Variants in SLCO4C1 observed in about 807,000 individuals in gnomAD.
SLCO4C1 encodes solute carrier organic anion transporter family member 4C1.
SLCO4C1 carries 58 observed loss-of-function variants against 72.1 expected under a neutral mutation model. The ratio of observed to expected loss-of-function variants is 0.80; its 90% CI spans 0.65 to 1.00. The LOEUF (loss-of-function observed/expected upper bound fraction) is 1.00. Ranked by LOEUF, SLCO4C1 falls within the 50% of genes least tolerant of loss-of-function variation. The pLI, the probability that SLCO4C1 is intolerant of heterozygous loss-of-function variation, is 0.00. For synonymous variants in SLCO4C1, 297 were observed against 312.5 expected, an observed-to-expected ratio of 0.95 and a Z score of 0.52; for missense variants, 898 against 857.9, an observed-to-expected ratio of 1.05 and a Z score of -0.58.
intron 10 of SLCO4C1, among the ~76,000 whole-genome samples, chr5:102,244,261 T>C (rs1210876169): frequency 6.6e-6 from 1 of 151,950 alleles, no homozygotes; most frequent in Admixed American, 6.6e-5. Context: ...TGCATCAGAG[T>C]CCTTTAGTAG....
intron 8 of SLCO4C1, among the ~76,000 whole-genome samples, chr5:102,252,267 G>A (rs1470304566): frequency 6.6e-6 from 1 of 152,044 alleles, no homozygotes; most frequent in African/African-American, 2.4e-5. Flanking sequence ...ACACTGTGTT[G>A]GAAAATGATG....
Position 102,291,400 on chromosome 5 carries a change from C to A in SLCO4C1, c.562G>T (p.Val188Leu). Reference protein sequence around the residue: ...AAFMIGLGALVFSLPQFFSGE... With the variant: ...AAFMIGLGALLFSLPQFFSGE... ...CTGAAAAATTGTGGCAATGAGAATA[C>A]AAGTGCTCCCAGTCCAATCATAAAG... The change falls in exon 2 of 13, where the codon GTA becomes TTA. Residue 188 changes from valine (V) to leucine (L), a missense_variant. By Grantham distance (32) the Val-to-Leu change is conservative. Transcript: ENST00000310954. The A allele has an allele frequency of 6.2e-7, 1 of 1,614,132 alleles. No individual in the cohort carries two copies. The highest frequency in any genetic ancestry group is 8.5e-7 in the Non-Finnish European group (1 of 1,180,020).
chr5:102,255,129 G>A (rs373393641), intron 8 of SLCO4C1, among the ~76,000 whole-genome samples: 8 of 148,954 alleles, frequency 5.4e-5, no homozygotes, highest in South Asian at 2.1e-4. Context: ...AAACATATAC[G>A]TTTAGTGATA....
In SLCO4C1 at chr5:102,296,156, G is replaced by A. The variant is rs780335084; in HGVS notation, c.107C>T (p.Ser36Phe). Residue 36 changes from serine to phenylalanine, a missense_variant, in exon 1 of 13, where the codon TCC becomes TTC. Ser to Phe is a radical substitution (Grantham distance 155). Coordinates refer to ENST00000310954, the MANE Select transcript of SLCO4C1 (RefSeq NM_180991.5). ...SPSQIEVSALSSDPQRENSQP... is the reference protein window; with the variant it reads ...SPSQIEVSALFSDPQRENSQP... Reference sequence around the variant, plus strand: ...AGAATTCTCTCTTTGGGGGTCAGAGGACAAGGCAGAGACTTCGATTTGGGA... The same window carrying A: ...AGAATTCTCTCTTTGGGGGTCAGAGAACAAGGCAGAGACTTCGATTTGGGA... 1 of 1,613,488 alleles carries A rather than the reference G, an allele frequency of 6.2e-7. No individual in the cohort carries two copies. Among genetic ancestry groups the A allele is most frequent in the Non-Finnish European group, 8.5e-7 (1 of 1,179,556 alleles).
At position 102,264,011 on chromosome 5, in the gene SLCO4C1, A is replaced by C. The variant is rs149927364; in HGVS notation, c.803-231T>G. Among the ~76,000 whole-genome samples, 406 of 152,240 alleles carry C rather than the reference A, an allele frequency of 2.7e-3. 2 individuals carry two copies. Among genetic ancestry groups the C allele is most frequent in the African/African-American group, 9.3e-3 (388 of 41,568 alleles). On this transcript the variant is annotated intron_variant, in intron 3 of 12. Transcript: ENST00000310954. ...TAGTAATACTTAGAACAAAACCAAA[A>C]ATTATAAATCCATGGAAAGTGTTGT... is the stretch of plus-strand genomic sequence containing the variant.
In SLCO4C1 at chr5:102,257,134, C is replaced by A; in HGVS notation, c.1450G>T (p.Val484Leu). ...ATTTACCCATTATATGATTCAGATA[C>A]ACCAGCAAATGGCTCATTTTCACAT... Reference protein sequence around the residue: ...AKCENEPFAGVSESYNGTGEL... With the variant: ...AKCENEPFAGLSESYNGTGEL... The change falls in exon 8 of 13, where the codon GTA becomes TTA. Residue 484 changes from valine to leucine, a missense_variant. Coordinates refer to ENST00000310954, the MANE Select transcript of SLCO4C1 (RefSeq NM_180991.5). 2 of 1,590,312 alleles carry A rather than the reference C, an allele frequency of 1.3e-6. No individual in the cohort carries two copies. The highest frequency in any genetic ancestry group is 1.4e-5 in the African/African-American group (1 of 73,484).
intron 7 of SLCO4C1, 101 bp from the exon 8 acceptor site, chr5:102,257,411 A>T (rs965517398): frequency 1.1e-6 from 1 of 897,262 alleles, no homozygotes; most frequent in African/African-American, 1.7e-5. Context: ...TATGGTTTTA[A>T]CTTATATTTA....
At chr5:102,291,269 G>T in intron 2 of SLCO4C1, 74 bp downstream of exon 2, 1 of 1,459,298 alleles carries the variant, frequency 6.9e-7, no homozygotes, top group Non-Finnish European at 9.3e-7. Flanking sequence ...TAAGTGAATT[G>T]CAATATAAAG....
rs145075424 is a variant in SLCO4C1 at position 102,274,315 on chromosome 5, A to G, written c.620-3509T>C. Reference sequence around the variant, plus strand: ...TAGAGGAACACTGCCAATAAAATTAAGGATTAGAACTGTACCTAATGAACA... The same window carrying G: ...TAGAGGAACACTGCCAATAAAATTAGGGATTAGAACTGTACCTAATGAACA... On this transcript the variant is annotated intron_variant, in intron 2 of 12. Coordinates refer to ENST00000310954, the MANE Select transcript of SLCO4C1 (RefSeq NM_180991.5). Among the ~76,000 whole-genome samples, 431 of 152,332 alleles carry G rather than the reference A, an allele frequency of 2.8e-3. 3 individuals are homozygous for G. Among genetic ancestry groups the G allele is most frequent in the African/African-American group, 9.8e-3 (406 of 41,578 alleles).
At position 102,247,274 on chromosome 5, in the gene SLCO4C1, G is replaced by C. The variant is rs149891619; in HGVS notation, c.1789C>G (p.Pro597Ala). 4.3e-4 allele frequency: 676 copies of C among 1,567,838 alleles called. No individual in the cohort carries two copies. Among genetic ancestry groups the C allele is most frequent in the Non-Finnish European group, 5.7e-4 (653 of 1,148,672 alleles). Reference sequence around the variant, plus strand: ...TACCTTAGGATAGACACAGTTATAGGAGTACCGGCCATAAAGGTAAAAATA... The same window carrying C: ...TACCTTAGGATAGACACAGTTATAGCAGTACCGGCCATAAAGGTAAAAATA... ...VIIFTFMAGTPITVSILRCVN... is the reference protein window; with the variant it reads ...VIIFTFMAGTAITVSILRCVN... Residue 597 changes from proline to alanine, a missense_variant, in exon 10 of 13, where the codon CCT becomes GCT. Physicochemically the swap from Pro to Ala is conservative, Grantham distance 27. Coordinates refer to ENST00000310954, the MANE Select transcript of SLCO4C1 (RefSeq NM_180991.5).
intron 2 of SLCO4C1, among the ~76,000 whole-genome samples, chr5:102,285,238 C>A (rs910084133): frequency 6.6e-6 from 1 of 150,468 alleles, no homozygotes; most frequent in Non-Finnish European, 1.5e-5. Context: ...CACACACACA[C>A]AAATATATAC....
At chr5:102,280,090 C>CAAAA (rs36217271) in intron 2 of SLCO4C1, among the ~76,000 whole-genome samples, 6 of 68,844 alleles carry the variant, frequency 8.7e-5, no homozygotes, top group African/African-American at 3.6e-4. Flanking sequence ...TGCAATAAGG[C>CAAAA]AAAAAAAAAA....
chr5:102,247,241 G>C lies in SLCO4C1; in HGVS notation c.1811+11C>G, dbSNP rs376009873. ...CCTTAGGGAATGAAAATTTCTCAAC[G>C]TGCTACATACCTTAGGATAGACACA... On this transcript the variant is annotated intron_variant, in intron 10 of 12. Coordinates refer to ENST00000310954, the MANE Select transcript of SLCO4C1 (RefSeq NM_180991.5). The C allele has an allele frequency of 6.8e-7, 1 of 1,471,160 alleles. No homozygotes were observed. Among genetic ancestry groups the C allele is most frequent in the Non-Finnish European group, 9.1e-7 (1 of 1,099,498 alleles). The allele number at this position is 1,471,160 out of a possible 1,614,324, so 91.1% of individuals were successfully genotyped here.
intron 8 of SLCO4C1, among the ~76,000 whole-genome samples, chr5:102,253,143 T>C (rs991836443): frequency 1.6e-4 from 24 of 152,294 alleles, no homozygotes; most frequent in African/African-American, 5.8e-4. Context: ...ATGGTATTTC[T>C]ATATTCTATG....
At chr5:102,284,498 C>T (rs769306021) in intron 2 of SLCO4C1, among the ~76,000 whole-genome samples, 9 of 152,090 alleles carry the variant, frequency 5.9e-5, no homozygotes, top group Admixed American at 1.3e-4. Flanking sequence ...AAGTAAGGGG[C>T]GAAAGCAGGA....
chr5:102,239,230 T>C, intron 12 of SLCO4C1, 21 bp downstream of exon 12: 1 of 1,528,108 alleles, frequency 6.5e-7, no homozygotes, highest in Non-Finnish European at 8.7e-7. Flanking sequence ...ACTCTAAAAT[T>C]ATCAAGAAGT....
chr5:102,293,478 T>G (rs113182157), intron 1 of SLCO4C1, among the ~76,000 whole-genome samples: 2 of 152,282 alleles, frequency 1.3e-5, no homozygotes, highest in African/African-American at 4.8e-5. Context: ...CCATACTACA[T>G]CTCTCTGTTG....
rs531826043 is a variant in SLCO4C1, at chr5:102,283,950, A to G, written c.619+7393T>C. Among the ~76,000 whole-genome samples, 11 of 152,282 alleles carry G rather than the reference A, an allele frequency of 7.2e-5. No individual in the cohort carries two copies. In the South Asian group the frequency reaches 1.9e-3, roughly 26 times the overall value. ...CATTAAGACAAAAACCAAAAGTAGA[A>G]TATCAAAGCATTCTGCTACTATTTC... On this transcript the variant is annotated intron_variant, in intron 2 of 12. Transcript: ENST00000310954.
At chr5:102,258,125 T>G (rs776243966) in intron 6 of SLCO4C1, 38 bp from the exon 7 acceptor site, 1 of 1,474,770 alleles carries the variant, frequency 6.8e-7, no homozygotes, top group Non-Finnish European at 9.1e-7. Context: ...TGAATAGCTA[T>G]GATTGTATTG....
Sources: allele counts gnomAD v4.1 joint callset (sites outside exome capture counted in the v4.1 genomes callset), GRCh38; gene constraint gnomAD v4.1.1; transcripts MANE v1.5; gene names NCBI Gene and HGNC (gene_info 2026-07-23, HGNC 2026-07-21).